CFLAR: variants seen among roughly 807,000 people sequenced by gnomAD.
CFLAR encodes CASP8 and FADD-like apoptosis regulator.
A neutral mutation model predicts 51.1 loss-of-function variants in CFLAR; 14 were observed. That is an observed-to-expected ratio of 0.27 (90% confidence interval 0.18 to 0.43). The LOEUF (loss-of-function observed/expected upper bound fraction) is 0.43. Ranked by LOEUF, CFLAR falls within the 20% of genes least tolerant of loss-of-function variation. CFLAR has a pLI of 1.00. For missense variants in CFLAR, 390 were observed against 566.5 expected (o/e 0.69, Z 3.16); for synonymous variants, 210 against 211.6 (o/e 0.99, Z 0.06).
At position 201,169,674 on chromosome 2, in the gene CFLAR, C is replaced by G. The variant is rs1031897565; in HGVS notation, c.*5701C>G. On this transcript the variant is annotated 3_prime_UTR_variant, in exon 10 of 10. Coordinates refer to ENST00000309955, the MANE Select transcript of CFLAR (RefSeq NM_003879.7). ...ATCATTAGAGTGAACAGGCAACCTACAGAATGGGAGAACATTTTTGCAATC... is the reference window on the plus strand; with the variant it reads ...ATCATTAGAGTGAACAGGCAACCTAGAGAATGGGAGAACATTTTTGCAATC... 1 of 152,126 alleles carries G rather than the reference C, an allele frequency of 6.6e-6. No individual in the cohort carries two copies. Among genetic ancestry groups the G allele is most frequent in the Non-Finnish European group, 1.5e-5 (1 of 68,028 alleles). The allele number at this position is 152,126 out of a possible 1,614,324, so 9.4% of individuals were successfully genotyped here.
intron 8 of CFLAR, 157 bp downstream of exon 8, chr2:201,149,992 A>G: frequency 1.7e-6 from 1 of 584,058 alleles, no homozygotes. Flanking sequence ...CTGGAATTCC[A>G]GCACTTTGTG....
Position 201,140,436 on chromosome 2 carries a change from C to A in CFLAR, c.603C>A (p.Phe201Leu), listed in dbSNP as rs767468828. ...GTCTCAAGGATCCTTCAAATAACTT[C>A]AGGGTGAGTCTGGAGAAAACATATG... ...QKSLKDPSNNFRLHNGRSKEQ... is the reference protein window; with the variant it reads ...QKSLKDPSNNLRLHNGRSKEQ... The change falls in exon 5 of 10, where the codon TTC (phenylalanine) becomes TTA (leucine). Residue 201 changes from phenylalanine to leucine, a missense_variant. This residue lies in a region of CFLAR where 287 missense variants were observed against 363.6 expected (regional missense o/e 0.79). Coordinates refer to ENST00000309955, the MANE Select transcript of CFLAR (RefSeq NM_003879.7). 12 of 1,594,206 alleles carry A rather than the reference C, an allele frequency of 7.5e-6. No individual in the cohort carries two copies. In the South Asian group the frequency reaches 8.0e-5, roughly 11 times the overall value.
chr2:201,162,346 C>G (rs2125940415), intron 9 of CFLAR: 1 of 152,404 alleles, frequency 6.6e-6, no homozygotes, highest in South Asian at 2.1e-4. Context: ...TCAAGTGATC[C>G]TCCTGCCTTG....
At chr2:201,128,464 G>A (rs1444075514) in intron 1 of CFLAR, among the ~76,000 whole-genome samples, 2 of 152,062 alleles carry the variant, frequency 1.3e-5, no homozygotes, top group Non-Finnish European at 1.5e-5. Flanking sequence ...AGTGAAGTTG[G>A]GATGAATGGG....
chr2:201,140,970 C>T (rs1437834707), intron 5 of CFLAR, among the ~76,000 whole-genome samples: 1 of 152,060 alleles, frequency 6.6e-6, no homozygotes, highest in African/African-American at 2.4e-5. Context: ...GTGGCTCATG[C>T]GTGTAATCCC....
intron 1 of CFLAR, among the ~76,000 whole-genome samples, chr2:201,121,829 A>T (rs1246274635): frequency 2.0e-5 from 3 of 152,252 alleles, no homozygotes; most frequent in Non-Finnish European, 4.4e-5. Context: ...GCAGTAGTGT[A>T]GCATGATTGA....
intron 4 of CFLAR, 95 bp from the exon 5 acceptor site, chr2:201,140,262 A>G: frequency 6.7e-7 from 1 of 1,484,922 alleles, no homozygotes; most frequent in Non-Finnish European, 9.1e-7. Flanking sequence ...GGTATTTTGA[A>G]AGATGGTGAT....
At chr2:201,136,764 G>T in intron 4 of CFLAR, 1 of 388,664 alleles carries the variant, frequency 2.6e-6, no homozygotes, top group Non-Finnish European at 4.7e-6. Flanking sequence ...ACTGATCAAA[G>T]ATCAAAAACA....
At position 201,145,382 on chromosome 2, in the gene CFLAR, A is replaced by G; in HGVS notation, c.611A>G (p.His204Arg). The change falls in exon 6 of 10, where the codon CAT becomes CGT. Residue 204 changes from histidine (H) to arginine (R), a missense_variant. This residue lies in a region of CFLAR where 287 missense variants were observed against 363.6 expected (regional missense o/e 0.79). Coordinates refer to ENST00000309955, the MANE Select transcript of CFLAR (RefSeq NM_003879.7). ...LKDPSNNFRL[H>R]NGRSKEQRLK... is the part of the protein sequence containing the mutation. ...CCTTATTCTTTGTATTTGAAGCTCCATAATGGGAGAAGTAAAGAACAAAGA... is the reference window on the plus strand; with the variant it reads ...CCTTATTCTTTGTATTTGAAGCTCCGTAATGGGAGAAGTAAAGAACAAAGA... 1 of 1,602,106 alleles carries G rather than the reference A, an allele frequency of 6.2e-7. No individual in the cohort carries two copies. The highest frequency in any genetic ancestry group is 8.5e-7 in the Non-Finnish European group (1 of 1,169,610).
At position 201,172,276 on chromosome 2, in the gene CFLAR, T is replaced by G. The variant is rs1022057599; in HGVS notation, c.*8303T>G. Reference sequence around the variant, plus strand: ...TAAATTTTAACTTTTATAAAATATTTTGATACATTCATGACCTTACTTTAG... The same window carrying G: ...TAAATTTTAACTTTTATAAAATATTGTGATACATTCATGACCTTACTTTAG... On this transcript the variant is annotated 3_prime_UTR_variant, in exon 10 of 10. Coordinates refer to ENST00000309955, the MANE Select transcript of CFLAR (RefSeq NM_003879.7). 6.6e-6 allele frequency: 1 copy of G among 152,244 alleles called. No homozygotes were observed. Among genetic ancestry groups the G allele is most frequent in the African/African-American group, 2.4e-5 (1 of 41,462 alleles). 9.4% of individuals were successfully genotyped at this position (152,244 alleles called of 1,614,324 possible). A position where few individuals can be genotyped will look rare whatever the true frequency, so the allele number is the denominator to read the frequency against.
rs1944127244 is a variant in CFLAR at position 201,173,979 on chromosome 2, T to G, written c.*10006T>G. 1 of 152,246 alleles carries G rather than the reference T, an allele frequency of 6.6e-6. No individual in the cohort carries two copies. The highest frequency in any genetic ancestry group is 6.5e-5 in the Admixed American group (1 of 15,276). 9.4% of individuals were successfully genotyped at this position (152,246 alleles called of 1,614,324 possible). Reference sequence around the variant, plus strand: ...GAGCCACCACACCCGGTGGGTTGTCTTTTTATTGTTGAGTTGTAAGCATTC... The same window carrying G: ...GAGCCACCACACCCGGTGGGTTGTCGTTTTATTGTTGAGTTGTAAGCATTC... On this transcript the variant is annotated 3_prime_UTR_variant, in exon 10 of 10. Transcript: ENST00000309955.
rs1943295218 is a variant in CFLAR at position 201,163,851 on chromosome 2, G to C, written c.1321G>C (p.Asp441His). 1 of 1,612,106 alleles carries C rather than the reference G, an allele frequency of 6.2e-7. No individual in the cohort carries two copies. Among genetic ancestry groups the C allele is most frequent in the Non-Finnish European group, 8.5e-7 (1 of 1,179,466 alleles). Reference protein sequence around the residue: ...LRQERKRPLLDLHIELNGYMY... With the variant: ...LRQERKRPLLHLHIELNGYMY... ...TTTCTCCAGAAAACGCCCACTCCTG[G>C]ATCTTCACATTGAACTCAATGGCTA... Residue 441 changes from aspartate to histidine, a missense_variant, in exon 10 of 10, where the codon GAT becomes CAT. By Grantham distance (81) the Asp-to-His change is moderately conservative. Around this residue, in one of 2 missense-constraint regions of CFLAR, gnomAD observed 287 missense variants for 363.6 expected, o/e 0.79. Transcript: ENST00000309955.
At chr2:201,146,435 T>A (rs1940185296) in intron 6 of CFLAR, 2 of 151,972 alleles carry the variant, frequency 1.3e-5, no homozygotes, top group African/African-American at 2.4e-5. Context: ...GGATGAGCCA[T>A]GGCGCCCAGC....
rs1268096023 is a variant in CFLAR at position 201,164,001 on chromosome 2, C to G, written c.*28C>G. On this transcript the variant is annotated 3_prime_UTR_variant, in exon 10 of 10. Transcript: ENST00000309955. ...AACCAAAAGGCTGGGCGTAGTGGCT[C>G]ACACCTGTAATCCCAGCACTTTGGG... 6.3e-7 allele frequency: 1 copy of G among 1,596,326 alleles called. No homozygotes were observed. The highest frequency in any genetic ancestry group is 8.6e-7 in the Non-Finnish European group (1 of 1,169,544).
At chr2:201,157,179 C>T (rs1313352913) in intron 8 of CFLAR, among the ~76,000 whole-genome samples, 1 of 152,204 alleles carries the variant, frequency 6.6e-6, no homozygotes, top group East Asian at 1.9e-4. Flanking sequence ...GACAGAGTCT[C>T]ACTCTTTCAC....
chr2:201,150,004 G>A, intron 8 of CFLAR, 169 bp downstream of exon 8: 1 of 552,720 alleles, frequency 1.8e-6, no homozygotes, highest in Non-Finnish European at 3.3e-6. Context: ...CACTTTGTGA[G>A]GCTGAGATGG....
At chr2:201,163,033 GA>G (rs1157544918) in intron 9 of CFLAR, 1 of 757,550 alleles carries the variant, frequency 1.3e-6, no homozygotes, top group Non-Finnish European at 2.4e-6. Flanking sequence ...AGAGTCAAAG[GA>G]CATGCATTTT....
At chr2:201,123,671 T>C (rs1388065385) in intron 1 of CFLAR, among the ~76,000 whole-genome samples, 1 of 152,228 alleles carries the variant, frequency 6.6e-6, no homozygotes, top group Non-Finnish European at 1.5e-5. Context: ...ATTCAAACCA[T>C]AGCAGCCTCA....
At position 201,118,279 on chromosome 2, in the gene CFLAR, C is replaced by T. The variant is rs547818239; in HGVS notation, c.-138+1798C>T. Among the ~76,000 whole-genome samples, 2 of 152,244 alleles carry T rather than the reference C, an allele frequency of 1.3e-5. No homozygotes were observed. Among genetic ancestry groups the T allele is most frequent in the South Asian group, 2.1e-4 (1 of 4,834 alleles). On this transcript the variant is annotated intron_variant, in intron 1 of 9. Coordinates refer to ENST00000309955, the MANE Select transcript of CFLAR (RefSeq NM_003879.7). This position sits in a 1 kb window ranked among gnomAD's most constrained non-coding sequence, Gnocchi z 5.1. ...CACGGTATTACTTGCTTCCTTATAC[C>T]GGTTTCCAAGGTGAAGCCATTTGCA...
Sources: gnomAD v4.1 joint callset for allele counts (sites outside exome capture counted in the v4.1 genomes callset) on GRCh38, gnomAD v4.1.1 for gene constraint, gnomAD v4.1.1 regional missense constraint, Gnocchi (gnomAD v3.1) non-coding constraint, MANE v1.5 for transcripts, NCBI Gene and HGNC (gene_info 2026-07-23, HGNC 2026-07-21) for gene names.